The following MEGF6 variants were observed in gnomAD, a reference collection of about 807,000 sequenced individuals.
MEGF6 encodes multiple EGF like domains 6, also known as multiple epidermal growth factor-like domains protein 6.
MEGF6 carries 184 observed loss-of-function variants against 207.1 expected under a neutral mutation model. The observed-to-expected ratio is 0.89, with a 90% CI of 0.79 to 1.00. MEGF6 has a LOEUF of 1.00. MEGF6 is among the 50% of genes least tolerant of loss of function. The pLI is 0.00. For synonymous variants in MEGF6, 1,038 were observed against 910.0 expected (o/e 1.14, Z -2.53); for missense variants, 2,282 against 2,202.9 (o/e 1.04, Z -0.72).
Position 3,492,754 on chromosome 1 carries a change from G to T in MEGF6, c.4401C>A (p.Gly1467=). The T allele has an allele frequency of 6.2e-7, 1 of 1,612,062 alleles. No individual in the cohort carries two copies. Residue 1467 remains glycine (G), a synonymous_variant, in exon 35 of 37, where the codon GGC becomes GGA. Transcript: ENST00000356575. ...GCAGGGTGCAGCTGGGCCCAAACTG[G>T]CCCCTTCTGCAATCTGCAAGGCGGA... is the stretch of plus-strand genomic sequence containing the variant. ...GATCNLDCRR[G]QFGPSCTLHC...
chr1:3,611,893 G>T (rs567298082), upstream of MEGF6, among the ~76,000 whole-genome samples: 30 of 152,106 alleles, frequency 2.0e-4, 1 homozygote, highest in East Asian at 5.7e-3. Context: ...GGCGCCAGGG[G>T]GCCACACCCC....
rs1403137350 is a variant in MEGF6 at position 3,496,673 on chromosome 1, C to T, written c.3724G>A (p.Gly1242Arg). 4.5e-6 allele frequency: 7 copies of T among 1,571,750 alleles called. No homozygotes were observed. Among genetic ancestry groups the T allele is most frequent in the Admixed American group, 3.7e-5 (2 of 54,644 alleles). Residue 1242 changes from glycine (G) to arginine (R), a missense_variant, in exon 29 of 37, where the codon GGG becomes AGG. Gly to Arg is a moderately radical substitution (Grantham distance 125, BLOSUM62 -2). Transcript: ENST00000356575. Reference protein sequence around the residue: ...GACRCPTGFLGTDCNLTCPQG... With the variant: ...GACRCPTGFLRTDCNLTCPQG... ...CACTCACTGAGGTTGCAGTCCGTCC[C>T]GAGGAACCCAGTGGGGCAGCGGCAG...
intron 34 of MEGF6, 22 bp downstream of exon 34, chr1:3,493,749 C>G: frequency 6.2e-7 from 1 of 1,607,054 alleles, no homozygotes; most frequent in Non-Finnish European, 8.5e-7. Flanking sequence ...CACGCCCTTC[C>G]TGGGCAGGAC....
At chr1:3,500,575 A>G in intron 21 of MEGF6, 58 bp downstream of exon 21, 1 of 1,509,844 alleles carries the variant, frequency 6.6e-7, no homozygotes, top group Admixed American at 2.1e-5. Context: ...GCACGTGTGC[A>G]TATGTGTGCG....
chr1:3,595,449 TAGAA>T lies in MEGF6; in HGVS notation c.267-6_267-3del, dbSNP rs754380909. 29 of 1,611,386 alleles carry T rather than the reference TAGAA, an allele frequency of 1.8e-5. 1 individual carries two copies. Among genetic ancestry groups the T allele is most frequent in the Admixed American group, 1.7e-4 (10 of 60,000 alleles). ...CTGTAGCCCATGTAGTAGACGGTTC[TAGAA>T]AGAAAGAGAGAAGGGAAGTGCTTAC... On this transcript the variant is annotated splice_polypyrimidine_tract_variant and splice_region_variant and intron_variant, in intron 2 of 36. Transcript: ENST00000356575.
At chr1:3,566,709 CCA>C (rs1220797824) in intron 4 of MEGF6, among the ~76,000 whole-genome samples, 7 of 152,140 alleles carry the variant, frequency 4.6e-5, no homozygotes, top group African/African-American at 1.4e-4. Flanking sequence ...GCTGGAGAGG[CCA>C]CAGAGTCCAG....
chr1:3,507,672 T>G (rs2101013701), intron 14 of MEGF6, 123 bp downstream of exon 14: 2 of 1,307,116 alleles, frequency 1.5e-6, no homozygotes, highest in African/African-American at 1.5e-5. Context: ...TAGGAAAAGT[T>G]TGGTAGCAGT....
chr1:3,521,208 G>A (rs2101154063), intron 5 of MEGF6, among the ~76,000 whole-genome samples: 1 of 152,306 alleles, frequency 6.6e-6, no homozygotes, highest in Non-Finnish European at 1.5e-5. Context: ...CTGGCCCATG[G>A]GGGTGGGAGA....
At chr1:3,567,744 G>C in intron 4 of MEGF6, among the ~76,000 whole-genome samples, 1 of 152,338 alleles carries the variant, frequency 6.6e-6, no homozygotes, top group African/African-American at 2.4e-5. Flanking sequence ...GGCCTGGGAC[G>C]CTGCAGCGAC....
intron 5 of MEGF6, among the ~76,000 whole-genome samples, chr1:3,520,558 T>C (rs1641706703): frequency 6.6e-6 from 1 of 150,722 alleles, no homozygotes; most frequent in Admixed American, 6.6e-5. Flanking sequence ...CCGGGCGCCC[T>C]GGGCAATGGG....
rs756540029 is a variant in MEGF6, at chr1:3,498,687, C to T, written c.3223+11G>A. 10 of 1,555,092 alleles carry T rather than the reference C, an allele frequency of 6.4e-6. No homozygotes were observed. Among genetic ancestry groups the T allele is most frequent in the Non-Finnish European group, 7.8e-6 (9 of 1,151,940 alleles). On this transcript the variant is annotated intron_variant, in intron 25 of 36. Transcript: ENST00000356575. ...CTGGGGTATGTCCCTCCTCTGCCGC[C>T]CAGCGCTCACCCTTCTCACAGGCCA...
At chr1:3,589,338 C>A (rs1643940868) in intron 3 of MEGF6, among the ~76,000 whole-genome samples, 1 of 152,166 alleles carries the variant, frequency 6.6e-6, no homozygotes, top group South Asian at 2.1e-4. Context: ...TGGTCCCTCG[C>A]TGCAGCAGCC....
intron 1 of MEGF6, among the ~76,000 whole-genome samples, chr1:3,605,718 A>G (rs1395921119): frequency 6.6e-6 from 1 of 152,072 alleles, no homozygotes; most frequent in Non-Finnish European, 1.5e-5. Context: ...ATTCACACAC[A>G]CTCACAGATA....
chr1:3,494,614 C>T lies in MEGF6; in HGVS notation c.3999G>A (p.Leu1333=), dbSNP rs1398824069. The change falls in exon 31 of 37, where the codon CTG becomes CTA. Residue 1333 remains leucine (L), a splice_region_variant and synonymous_variant. Coordinates refer to ENST00000356575, the MANE Select transcript of MEGF6 (RefSeq NM_001409.4). The stretch of plus-strand genomic sequence containing the variant: ...GTCCCGCTGGCCCCGCACACTCACC[C>T]AGCTCGCAGTGCCGCCCCGTCCAGC... ...GLGWTGRHCE[L]ACPPGRYGAA... 7 of 1,563,104 alleles carry T rather than the reference C, an allele frequency of 4.5e-6. No homozygotes were observed. Among genetic ancestry groups the T allele is most frequent in the Admixed American group, 1.9e-5 (1 of 53,152 alleles).
rs1335262598 is a variant in MEGF6, at chr1:3,591,779, G to A, written c.376+3559C>T. 3.6e-5 allele frequency among the ~76,000 whole-genome samples: 4 copies of A among 110,382 alleles called. No homozygotes were observed. The East Asian group carries it at 8.6e-4, about 24-fold the overall frequency. 72.4% of individuals were successfully genotyped at this position (110,382 alleles called of 152,430 possible). ...TGTTGGGGGCTGCTACCAAGGTCTC[G>A]TAGCTCACAAGGGACCGGATGGGGG... On this transcript the variant is annotated intron_variant, in intron 3 of 36. Coordinates refer to ENST00000356575, the MANE Select transcript of MEGF6 (RefSeq NM_001409.4).
intron 4 of MEGF6, among the ~76,000 whole-genome samples, chr1:3,548,366 A>G (rs1457277930): frequency 1.3e-5 from 2 of 152,228 alleles, no homozygotes; most frequent in Non-Finnish European, 2.9e-5. Context: ...CCACAGTCCC[A>G]TGAGAACGGG....
At chr1:3,587,539 G>A (rs1245094427) in intron 3 of MEGF6, among the ~76,000 whole-genome samples, 1 of 152,260 alleles carries the variant, frequency 6.6e-6, no homozygotes, top group Admixed American at 6.5e-5. Context: ...GGCGTGTGGA[G>A]CGGCGGGAGC....
At chr1:3,533,566 AG>A (rs1423891740) in intron 4 of MEGF6, among the ~76,000 whole-genome samples, 1 of 152,198 alleles carries the variant, frequency 6.6e-6, no homozygotes, top group East Asian at 1.9e-4. Flanking sequence ...CCATGGAGGT[AG>A]GGGCCAGGCT....
At position 3,499,576 on chromosome 1, in the gene MEGF6, G is replaced by A. The variant is rs1285989582; in HGVS notation, c.2965+12C>T. ...CCTGCAGCACCCCGGGCTGAGCAGGGACCTCACGCACTCTCGGCACAGCGG... is the reference window on the plus strand; with the variant it reads ...CCTGCAGCACCCCGGGCTGAGCAGGAACCTCACGCACTCTCGGCACAGCGG... On this transcript the variant is annotated intron_variant, in intron 23 of 36. Transcript: ENST00000356575. The A allele has an allele frequency of 1.9e-6, 3 of 1,570,714 alleles. No individual in the cohort carries two copies. Among genetic ancestry groups the A allele is most frequent in the Non-Finnish European group, 2.6e-6 (3 of 1,160,424 alleles).
Sources: gnomAD v4.1 joint callset for allele counts (sites outside exome capture counted in the v4.1 genomes callset) on GRCh38, gnomAD v4.1.1 for gene constraint, MANE v1.5 for transcripts, NCBI Gene and HGNC (gene_info 2026-07-23, HGNC 2026-07-21) for gene names.